DNAH2: variants seen among roughly 807,000 people sequenced by gnomAD.
DNAH2 encodes axonemal beta dynein heavy chain 2.
In DNAH2, 323 loss-of-function variants were observed where a neutral mutation model predicts 523.5. That is an observed-to-expected ratio of 0.62 (90% CI 0.56 to 0.68). DNAH2 has a LOEUF of 0.68. Ranked by LOEUF, DNAH2 falls within the 30% of genes least tolerant of loss-of-function variation. The probability of loss-of-function intolerance (pLI) is 0.00; values close to 1 mark genes in which losing one functional copy is unlikely to be tolerated. For synonymous variants in DNAH2, 2,093 were observed against 2,177.4 expected (o/e 0.96, Z 1.08); for missense variants, 4,907 against 5,701.5 (o/e 0.86, Z 4.49).
At chr17:7,771,500 G>A (rs1326703886) in intron 28 of DNAH2, 32 bp downstream of exon 28, 3 of 1,611,220 alleles carry the variant, frequency 1.9e-6, no homozygotes, top group Non-Finnish European at 2.5e-6. Context: ...CCCTGACACA[G>A]CCTCGGCAGG....
rs778460764 is a variant in DNAH2, at chr17:7,832,747, CA to C, written c.12899del (p.Asn4300ThrfsTer22). The C allele has an allele frequency of 6.2e-7, 1 of 1,614,058 alleles. No individual in the cohort carries two copies. The highest frequency in any genetic ancestry group is 1.3e-5 in the African/African-American group (1 of 75,008). On this transcript the variant is annotated frameshift_variant, in exon 83 of 86. Transcript: ENST00000572933. LOFTEE classifies it high-confidence loss of function. The surrounding 1 kb of genome is among the most constrained non-coding windows in gnomAD (Gnocchi z 4.3). Reference protein sequence around the residue: ...LTAVLQSSARQNNVSVDSLSW... With the variant: ...LTAVLQSSARXNNVSVDSLSW... ...TGCTGTGCTGCAGTCTTCAGCTCGC[CA>C]AAACAACGTGAGCAATGTGCAAAGT...
At chr17:7,769,423 A>C (rs1272575371) in intron 24 of DNAH2, among the ~76,000 whole-genome samples, 1 of 152,134 alleles carries the variant, frequency 6.6e-6, no homozygotes, top group South Asian at 2.1e-4. Flanking sequence ...TGGCCTCCCA[A>C]AGTGCTGGGA....
Position 7,824,553 on chromosome 17 carries a change from G to A in DNAH2, c.11679G>A (p.Leu3893=). 1 of 1,566,394 alleles carries A rather than the reference G, an allele frequency of 6.4e-7. No individual in the cohort carries two copies. The highest frequency in any genetic ancestry group is 1.2e-5 in the South Asian group (1 of 86,698). ...TCCTTGCAGGACACTGGGTGTTCCT[G>A]GCAAACTGCCACCTGTCACTGTCTT... ...EGVTQGHWVF[L]ANCHLSLSWM... is the part of the protein sequence containing the mutation. Residue 3893 remains leucine, a synonymous_variant, in exon 77 of 86, where the codon CTG becomes CTA. Transcript: ENST00000572933.
At chr17:7,741,244 T>TCTC (rs2075313152) in intron 11 of DNAH2, among the ~76,000 whole-genome samples, 2 of 29,740 alleles carry the variant, frequency 6.7e-5, no homozygotes, top group African/African-American at 1.7e-4. Flanking sequence ...CTCTCTTTCT[T>TCTC]TCTTTCTTTC....
chr17:7,801,463 C>A, intron 56 of DNAH2, 115 bp from the exon 57 acceptor site: 1 of 1,442,548 alleles, frequency 6.9e-7, no homozygotes, highest in Non-Finnish European at 9.5e-7. Context: ...GATACAGGAG[C>A]AAGGGGATGG....
At chr17:7,792,945 G>T in intron 47 of DNAH2, 36 bp from the exon 48 acceptor site, 2 of 1,601,066 alleles carry the variant, frequency 1.2e-6, no homozygotes, top group Non-Finnish European at 1.7e-6. Flanking sequence ...ATTTCTCTCA[G>T]GGGACCCACA....
At position 7,734,184 on chromosome 17, in the gene DNAH2, C is replaced by G; in HGVS notation, c.630C>G (p.Asp210Glu). 6.3e-7 allele frequency: 1 copy of G among 1,587,638 alleles called. No homozygotes were observed. Among genetic ancestry groups the G allele is most frequent in the Non-Finnish European group, 8.6e-7 (1 of 1,166,196 alleles). Residue 210 changes from aspartate (D) to glutamate (E), a missense_variant and splice_region_variant, in exon 6 of 86, where the codon GAC becomes GAG. This residue lies in a region of DNAH2 where 2,806 missense variants were observed against 3,190.8 expected (regional missense o/e 0.88). Transcript: ENST00000572933. Reference sequence around the variant, plus strand: ...TTCCACAAACTTTCCTTTCCTTAGACACTCGGTACAAACTGGAGGGGCACA... The same window carrying G: ...TTCCACAAACTTTCCTTTCCTTAGAGACTCGGTACAAACTGGAGGGGCACA... Reference protein sequence around the residue: ...HLHKFLACLTDTRYKLEGHTV... With the variant: ...HLHKFLACLTETRYKLEGHTV...
intron 39 of DNAH2, 147 bp downstream of exon 39, chr17:7,781,314 A>C: frequency 1.1e-6 from 1 of 916,672 alleles, no homozygotes; most frequent in Non-Finnish European, 1.7e-6. Context: ...GTATCTACAA[A>C]AAGTACAAAA....
chr17:7,763,966 G>C lies in DNAH2; in HGVS notation c.3114G>C (p.Leu1038=). ...CNEWQNKFAT[L]LREMAAGRLL... ...AATGGCAGAACAAGTTCGCGACTCT[G>C]CTCAGGGAGATGGCTGCTGGGCGCC... is the stretch of plus-strand genomic sequence containing the variant. The change falls in exon 19 of 86, where the codon CTG becomes CTC. Residue 1038 remains leucine (L), a synonymous_variant. Transcript: ENST00000572933. 1 of 1,614,214 alleles carries C rather than the reference G, an allele frequency of 6.2e-7. No individual in the cohort carries two copies. Among genetic ancestry groups the C allele is most frequent in the Non-Finnish European group, 8.5e-7 (1 of 1,180,044 alleles).
rs867709885 is a variant in DNAH2, at chr17:7,777,529, G to C, written c.5142G>C (p.Thr1714=). The C allele has an allele frequency of 6.2e-7, 1 of 1,614,164 alleles. No homozygotes were observed. Among genetic ancestry groups the C allele is most frequent in the East Asian group, 2.2e-5 (1 of 44,888 alleles). The stretch of plus-strand genomic sequence containing the variant: ...GGCTTAAAATTGTGGCTCTGGTGAC[G>C]ATAGAAATTCATGCCCGGGATGTGT... ...IMRLKIVALV[T]IEIHARDVLE... The change falls in exon 33 of 86, where the codon ACG becomes ACC. Residue 1714 remains threonine (T), a synonymous_variant. Coordinates refer to ENST00000572933, the MANE Select transcript of DNAH2 (RefSeq NM_020877.5).
chr17:7,802,810 C>G (rs891209586), intron 58 of DNAH2, among the ~76,000 whole-genome samples: 3 of 150,718 alleles, frequency 2.0e-5, no homozygotes, highest in Admixed American at 1.3e-4. Context: ...ATTACAGGCA[C>G]GCGCCACCAT....
intron 28 of DNAH2, 130 bp from the exon 29 acceptor site, chr17:7,774,629 C>T (rs960158579): frequency 3.5e-5 from 25 of 718,960 alleles, no homozygotes; most frequent in Middle Eastern, 3.0e-4. Flanking sequence ...TACTTCTCTG[C>T]GTCCAGAAAC....
At chr17:7,725,915 G>GTA (rs398070873) in intron 3 of DNAH2, among the ~76,000 whole-genome samples, 2 of 151,088 alleles carry the variant, frequency 1.3e-5, no homozygotes, top group Non-Finnish European at 3.0e-5. Flanking sequence ...GAAACTTTAA[G>GTA]AGAGATTCCT....
chr17:7,747,713 C>T (rs1038310081), intron 12 of DNAH2, among the ~76,000 whole-genome samples: 1 of 152,154 alleles, frequency 6.6e-6, no homozygotes, highest in Non-Finnish European at 1.5e-5. Context: ...ACACGTCTTC[C>T]AGATAGAAGA....
rs1250392299 is a variant in DNAH2, at chr17:7,778,150, G to A, written c.5321G>A (p.Gly1774Asp). The change falls in exon 34 of 86, where the codon GGC becomes GAC. Residue 1774 changes from glycine (G) to aspartate (D), a missense_variant. Coordinates refer to ENST00000572933, the MANE Select transcript of DNAH2 (RefSeq NM_020877.5). ...QYNYEYLGNS[G>D]RLVITPLTDR... ...AATTATGAGTACTTGGGTAACTCGG[G>A]CCGGCTCGTCATCACCCCCCTGACG... 1.9e-6 allele frequency: 3 copies of A among 1,614,100 alleles called. No individual in the cohort carries two copies. The African/African-American group carries it at 4.0e-5, about 22-fold the overall frequency.
chr17:7,786,646 C>T lies in DNAH2; in HGVS notation c.6425C>T (p.Thr2142Ile), dbSNP rs79956965. The change falls in exon 41 of 86, where the codon ACA becomes ATA. Residue 2142 changes from threonine (T) to isoleucine (I), a missense_variant. This residue lies in a region of DNAH2 where 2,806 missense variants were observed against 3,190.8 expected (regional missense o/e 0.88). Coordinates refer to ENST00000572933, the MANE Select transcript of DNAH2 (RefSeq NM_020877.5). The surrounding 1 kb of genome is among the most constrained non-coding windows in gnomAD (Gnocchi z 7.5). Reference protein sequence around the residue: ...GEYDLSTNEWTDGILSSVMRT... With the variant: ...GEYDLSTNEWIDGILSSVMRT... ...TATGACCTCAGCACCAATGAATGGA[C>T]AGATGGCATCTTGTCCAGTGTCATG... 6.2e-7 allele frequency: 1 copy of T among 1,614,046 alleles called. No homozygotes were observed. Among genetic ancestry groups the T allele is most frequent in the East Asian group, 2.2e-5 (1 of 44,882 alleles).
In DNAH2 at chr17:7,757,049, C is replaced by T. The variant is rs765597442; in HGVS notation, c.1905-42C>T. 59 of 1,611,502 alleles carry T rather than the reference C, an allele frequency of 3.7e-5. 1 individual carries two copies. In the South Asian group the frequency reaches 5.7e-4, roughly 16 times the overall value. ...GTTCGATTGTTGCTCTAGTTTATCCCCTCGTGCGGTCCCCTCACTGCCTGG... is the reference window on the plus strand; with the variant it reads ...GTTCGATTGTTGCTCTAGTTTATCCTCTCGTGCGGTCCCCTCACTGCCTGG... On this transcript the variant is annotated intron_variant, in intron 12 of 85. Transcript: ENST00000572933.
rs924573557 is a variant in DNAH2, at chr17:7,742,928, T to C, written c.1690T>C (p.Cys564Arg). 1.4e-6 allele frequency: 2 copies of C among 1,463,146 alleles called. No homozygotes were observed. Among genetic ancestry groups the C allele is most frequent in the South Asian group, 1.6e-5 (1 of 61,532 alleles). 90.6% of individuals were successfully genotyped at this position (1,463,146 alleles called of 1,614,324 possible). Residue 564 changes from cysteine (C) to arginine (R), a missense_variant and splice_region_variant, in exon 12 of 86, where the codon TGC becomes CGC. By Grantham distance (180) the Cys-to-Arg change is radical (BLOSUM62 -3). Coordinates refer to ENST00000572933, the MANE Select transcript of DNAH2 (RefSeq NM_020877.5). ...ACCCACCTGTTCTTCTTCCCCTCAG[T>C]GCCTTGCTGGTGCTCATTTCCTGCC... ...LRRRIDRVMT[C>R]LAGAHFLPRI...
chr17:7,744,868 G>A (rs1045324779), intron 12 of DNAH2, among the ~76,000 whole-genome samples: 4 of 152,148 alleles, frequency 2.6e-5, no homozygotes, highest in Non-Finnish European at 4.4e-5. Flanking sequence ...CAGGGGAGCC[G>A]CACAGATGCC....
Sources: allele counts gnomAD v4.1 joint callset (sites outside exome capture counted in the v4.1 genomes callset), GRCh38; gene constraint gnomAD v4.1.1; regional missense constraint gnomAD v4.1.1; non-coding constraint Gnocchi (gnomAD v3.1); transcripts MANE v1.5; gene names NCBI Gene and HGNC (gene_info 2026-07-23, HGNC 2026-07-21).